The following FOXN3 variants were observed in gnomAD, a reference collection of about 807,000 sequenced individuals.
FOXN3 encodes forkhead box protein N3.
FOXN3 carries 7 observed loss-of-function variants against 38.4 expected under a neutral mutation model. The ratio of observed to expected loss-of-function variants is 0.18; its 90% CI spans 0.10 to 0.34. FOXN3 has a LOEUF of 0.34. FOXN3 is among the 10% of genes least tolerant of loss of function. The pLI, the probability that FOXN3 is intolerant of heterozygous loss-of-function variation, is 1.00. For synonymous variants in FOXN3, 230 were observed against 242.2 expected, an observed-to-expected ratio of 0.95 and a Z score of 0.47; for missense variants, 456 against 613.4, an observed-to-expected ratio of 0.74 and a Z score of 2.71.
intron 1 of FOXN3, among the ~76,000 whole-genome samples, chr14:89,560,281 T>C (rs1895220346): frequency 6.6e-6 from 1 of 151,982 alleles, no homozygotes; most frequent in Non-Finnish European, 1.5e-5. Flanking sequence ...GGGATTACAG[T>C]TCAACATGAC....
At chr14:89,241,887 C>T (rs1055187509) in intron 4 of FOXN3, among the ~76,000 whole-genome samples, 11 of 152,194 alleles carry the variant, frequency 7.2e-5, no homozygotes, top group African/African-American at 1.9e-4. Flanking sequence ...CTCTTCCCCT[C>T]GGAGCTCTGC....
intron 1 of FOXN3, among the ~76,000 whole-genome samples, chr14:89,521,409 G>A (rs1042489756): frequency 1.3e-5 from 2 of 151,112 alleles, no homozygotes; most frequent in African/African-American, 4.9e-5. Flanking sequence ...AAGAATAGAA[G>A]AGAATCAATG....
At chr14:89,313,291 C>T (rs368026890) in intron 3 of FOXN3, among the ~76,000 whole-genome samples, 5 of 152,134 alleles carry the variant, frequency 3.3e-5, no homozygotes, top group African/African-American at 4.8e-5. Context: ...GACTGCCGGG[C>T]GCAGCGGCTC....
intron 1 of FOXN3, among the ~76,000 whole-genome samples, chr14:89,577,982 A>G (rs1385850773): frequency 2.0e-5 from 3 of 152,236 alleles, no homozygotes; most frequent in Non-Finnish European, 1.5e-5. Flanking sequence ...GGAAAAAGAG[A>G]AATCTTCCCT....
chr14:89,393,138 A>C (rs540821323), intron 2 of FOXN3, among the ~76,000 whole-genome samples: 1 of 151,898 alleles, frequency 6.6e-6, no homozygotes, highest in East Asian at 1.9e-4. Context: ...ATGGGGTTTC[A>C]CCATGTTGGC....
At chr14:89,396,769 T>C (rs1891109957) in intron 2 of FOXN3, among the ~76,000 whole-genome samples, 2 of 149,856 alleles carry the variant, frequency 1.3e-5, no homozygotes, top group African/African-American at 2.5e-5. Flanking sequence ...AAGGCGGAGG[T>C]TGCAGTGAGC....
chr14:89,477,307 T>G (rs1395863145), intron 1 of FOXN3, among the ~76,000 whole-genome samples: 6 of 152,170 alleles, frequency 3.9e-5, no homozygotes, highest in African/African-American at 4.8e-5. Context: ...GTATTCCATA[T>G]TTCTCCTTTC....
intron 1 of FOXN3, among the ~76,000 whole-genome samples, chr14:89,455,047 C>T (rs17798879): frequency 0.15 from 22,216 of 152,218 alleles, 1,875 homozygotes; most frequent in Middle Eastern, 0.24. Flanking sequence ...GCTTGAGAAG[C>T]GGCCAGTGTA....
chr14:89,188,845 T>TAA (rs546498137), intron 4 of FOXN3, among the ~76,000 whole-genome samples: 1 of 149,808 alleles, frequency 6.7e-6, no homozygotes, highest in African/African-American at 2.4e-5. Context: ...GAAGTTTATT[T>TAA]AAAAAAAAAA....
chr14:89,208,991 C>T (rs1340950246), intron 4 of FOXN3, among the ~76,000 whole-genome samples: 2 of 152,174 alleles, frequency 1.3e-5, no homozygotes, highest in East Asian at 3.9e-4. Context: ...TCTCAAAGGC[C>T]TCATTTCCTA....
chr14:89,606,925 C>T (rs1896288186), intron 1 of FOXN3, among the ~76,000 whole-genome samples: 1 of 152,150 alleles, frequency 6.6e-6, no homozygotes, highest in Admixed American at 6.5e-5. Flanking sequence ...TCTGGCTTGA[C>T]TCAAGACTGA....
chr14:89,474,530 AATT>A lies in FOXN3; in HGVS notation c.-14-62043_-14-62041del, dbSNP rs1893170899. Among the ~76,000 whole-genome samples, 6 of 152,246 alleles carry A rather than the reference AATT, an allele frequency of 3.9e-5. No homozygotes were observed. The South Asian group carries it at 1.2e-3, about 31-fold the overall frequency. Reference sequence around the variant, plus strand: ...GCATCATGCTCTTTTATGGAGTAATAATTATTATCTTAAGCAATGCAAATTGAA... The same window carrying A: ...GCATCATGCTCTTTTATGGAGTAATAATTATCTTAAGCAATGCAAATTGAA... On this transcript the variant is annotated intron_variant, in intron 1 of 6. Transcript: ENST00000345097.
In FOXN3 at chr14:89,260,836, C is replaced by T. The variant is rs183222405; in HGVS notation, c.745+20114G>A. ...TTACCCTAATGACATAAACGAGCAG[C>T]TATAACATTTAATTAGTTTTGTTCT... is the stretch of plus-strand genomic sequence containing the variant. On this transcript the variant is annotated intron_variant, in intron 4 of 5. Transcript: ENST00000557258. 5.9e-5 allele frequency among the ~76,000 whole-genome samples: 9 copies of T among 152,294 alleles called. No homozygotes were observed. The East Asian group carries it at 1.7e-3, about 29-fold the overall frequency.
intron 3 of FOXN3, among the ~76,000 whole-genome samples, chr14:89,342,280 A>C (rs1272694012): frequency 1.3e-5 from 2 of 152,232 alleles, no homozygotes; most frequent in Non-Finnish European, 2.9e-5. Flanking sequence ...ACAGAATGAA[A>C]TTGGATGACT....
chr14:89,413,871 AAGGGAAGGGC>A lies in FOXN3; in HGVS notation c.-14-1391_-14-1382del, dbSNP rs564385612. On this transcript the variant is annotated intron_variant, in intron 1 of 5. Transcript: ENST00000557258. ...AGAGGAGGGGAAGGGAGGGCAAGAG[AAGGGAAGGGC>A]AGGGAAGGGCAGGGCAGGGCAGGGC... 5.5e-3 allele frequency among the ~76,000 whole-genome samples: 736 copies of A among 134,904 alleles called. 2 individuals carry two copies. Among genetic ancestry groups the A allele is most frequent in the Non-Finnish European group, 8.2e-3 (514 of 62,788 alleles). The allele number at this position is 134,904 out of a possible 152,430, so 88.5% of individuals were successfully genotyped here. A position where few individuals can be genotyped will look rare whatever the true frequency, so the allele number is the denominator to read the frequency against.
At chr14:89,321,247 C>A (rs185906490) in intron 3 of FOXN3, among the ~76,000 whole-genome samples, 2 of 151,306 alleles carry the variant, frequency 1.3e-5, no homozygotes, top group Non-Finnish European at 2.9e-5. Flanking sequence ...GCAGAGATTG[C>A]GTTACTGCCC....
intron 3 of FOXN3, among the ~76,000 whole-genome samples, chr14:89,344,248 A>T (rs1888702936): frequency 6.7e-6 from 1 of 149,556 alleles, no homozygotes; most frequent in African/African-American, 2.5e-5. Context: ...TAAAGCAAAA[A>T]AAGGGAAAGC....
chr14:89,531,188 C>A (rs1894560395), intron 1 of FOXN3, among the ~76,000 whole-genome samples: 1 of 150,386 alleles, frequency 6.6e-6, no homozygotes, highest in East Asian at 1.9e-4. Context: ...TATGTATGAC[C>A]TTCAGGTTTC....
rs547801195 is a variant in FOXN3, at chr14:89,156,610, T to C, written c.*5804A>G. 1 of 152,058 alleles carries C rather than the reference T, an allele frequency of 6.6e-6. No homozygotes were observed. Among genetic ancestry groups the C allele is most frequent in the South Asian group, 2.1e-4 (1 of 4,812 alleles). The allele number at this position is 152,058 out of a possible 1,614,324, so 9.4% of individuals were successfully genotyped here. A position where few individuals can be genotyped will look rare whatever the true frequency, so the allele number is the denominator to read the frequency against. ...CGACCCTAAGCATCAATAGTAAACC[T>C]CTTGGTCTTCTGATTGCTTTATCAC... On this transcript the variant is annotated 3_prime_UTR_variant, in exon 6 of 6. Coordinates refer to ENST00000557258, the MANE Select transcript of FOXN3 (RefSeq NM_005197.4).
Sources: gnomAD v4.1 joint callset for allele counts (sites outside exome capture counted in the v4.1 genomes callset) on GRCh38, gnomAD v4.1.1 for gene constraint, MANE v1.5 for transcripts, NCBI Gene and HGNC (gene_info 2026-07-23, HGNC 2026-07-21) for gene names.